ARHGAP15: variants seen among roughly 807,000 people sequenced by gnomAD.
The protein encoded by ARHGAP15 is Rho GTPase activating protein 15.
Under a neutral mutation model 63.7 loss-of-function variants are expected in ARHGAP15, and 51 were observed. That is an observed-to-expected ratio of 0.80 (90% confidence interval 0.64 to 1.01). The LOEUF (loss-of-function observed/expected upper bound fraction) is 1.01, where lower values mean the gene tolerates loss of function less well. Ranked by LOEUF, ARHGAP15 falls within the 50% of genes least tolerant of loss-of-function variation. ARHGAP15 has a pLI of 0.00. For missense variants in ARHGAP15, 560 were observed against 564.6 expected, an observed-to-expected ratio of 0.99 and a Z score of 0.08; for synonymous variants, 191 against 193.8, an observed-to-expected ratio of 0.99 and a Z score of 0.12.
At chr2:143,431,248 T>G (rs1289728205) in intron 6 of ARHGAP15, among the ~76,000 whole-genome samples, 1 of 152,022 alleles carries the variant, frequency 6.6e-6, no homozygotes, top group Non-Finnish European at 1.5e-5. Context: ...TGTATACAAC[T>G]GTTTGCTGAG....
intron 8 of ARHGAP15, among the ~76,000 whole-genome samples, chr2:143,465,609 A>G (rs913188660): frequency 9.2e-5 from 14 of 152,248 alleles, no homozygotes; most frequent in African/African-American, 2.9e-4. Flanking sequence ...TCCAGTTTAG[A>G]AATCCAAATG....
At chr2:143,376,301 T>C (rs1487912581) in intron 6 of ARHGAP15, among the ~76,000 whole-genome samples, 2 of 152,224 alleles carry the variant, frequency 1.3e-5, no homozygotes, top group African/African-American at 4.8e-5. Context: ...GCATGCTATG[T>C]AATTTGTATG....
At chr2:143,521,536 G>T (rs768431432) in intron 10 of ARHGAP15, among the ~76,000 whole-genome samples, 4 of 152,144 alleles carry the variant, frequency 2.6e-5, no homozygotes, top group Non-Finnish European at 4.4e-5. Context: ...GTATTAGGAA[G>T]TAGCATATAA....
At chr2:143,517,042 G>A (rs780612690) in intron 9 of ARHGAP15, among the ~76,000 whole-genome samples, 15 of 152,030 alleles carry the variant, frequency 9.9e-5, no homozygotes, top group Non-Finnish European at 2.1e-4. Flanking sequence ...CTCTCCCTCC[G>A]GGTTGAAGCA....
chr2:143,389,454 T>TAACA (rs1479156033), intron 6 of ARHGAP15, among the ~76,000 whole-genome samples: 1 of 152,148 alleles, frequency 6.6e-6, no homozygotes, highest in East Asian at 1.9e-4. Context: ...AAATGTTTCA[T>TAACA]AACAACCAGA....
chr2:143,602,205 A>G (rs925921515), intron 11 of ARHGAP15, among the ~76,000 whole-genome samples: 29 of 152,234 alleles, frequency 1.9e-4, no homozygotes, highest in Non-Finnish European at 5.9e-5. Context: ...AAATAACATT[A>G]TACAGCTTTC....
intron 10 of ARHGAP15, among the ~76,000 whole-genome samples, chr2:143,555,224 G>A (rs1048138309): frequency 3.9e-5 from 6 of 152,100 alleles, no homozygotes; most frequent in African/African-American, 1.4e-4. Flanking sequence ...AATACAAAGT[G>A]TGTAAAATGG....
intron 5 of ARHGAP15, among the ~76,000 whole-genome samples, chr2:143,239,597 T>C (rs1245741772): frequency 2.0e-5 from 3 of 152,190 alleles, no homozygotes; most frequent in Non-Finnish European, 4.4e-5. Flanking sequence ...CATTCAGCCA[T>C]AACCTTGAAA....
intron 1 of ARHGAP15, among the ~76,000 whole-genome samples, chr2:143,154,220 A>T (rs1172414685): frequency 1.3e-5 from 2 of 152,020 alleles, no homozygotes; most frequent in East Asian, 3.9e-4. Context: ...ACCATTGAGC[A>T]CATTGCTTAG....
chr2:143,209,077 T>G (rs1023350782), intron 3 of ARHGAP15, among the ~76,000 whole-genome samples: 2 of 152,188 alleles, frequency 1.3e-5, no homozygotes, highest in Non-Finnish European at 2.9e-5. Context: ...GCTTTGAGCA[T>G]GAAAGACATT....
At chr2:143,225,855 C>T (rs1693192597) in intron 4 of ARHGAP15, among the ~76,000 whole-genome samples, 1 of 151,952 alleles carries the variant, frequency 6.6e-6, no homozygotes. Flanking sequence ...ATAATTTATG[C>T]TAATTATTAT....
chr2:143,759,266 G>A (rs1170515381), intron 13 of ARHGAP15, among the ~76,000 whole-genome samples: 3 of 152,206 alleles, frequency 2.0e-5, no homozygotes, highest in South Asian at 2.1e-4. Flanking sequence ...AAATGTGGAG[G>A]AAGAGTACAT....
At chr2:143,416,750 T>A (rs568221409) in intron 6 of ARHGAP15, among the ~76,000 whole-genome samples, 1 of 152,146 alleles carries the variant, frequency 6.6e-6, no homozygotes, top group East Asian at 1.9e-4. Context: ...ACAAGCCATT[T>A]ACAGACTGTC....
intron 6 of ARHGAP15, among the ~76,000 whole-genome samples, chr2:143,429,286 G>T (rs1442617808): frequency 6.7e-6 from 1 of 149,690 alleles, no homozygotes; most frequent in African/African-American, 2.5e-5. Flanking sequence ...TAAACAGAAA[G>T]TTAGAGTGGG....
intron 12 of ARHGAP15, among the ~76,000 whole-genome samples, chr2:143,677,142 G>C (rs1374783840): frequency 1.3e-5 from 2 of 152,212 alleles, no homozygotes. Context: ...CATGGTTCCA[G>C]TAATTCTAAT....
chr2:143,397,659 C>CGG (rs1687831544), intron 6 of ARHGAP15, among the ~76,000 whole-genome samples: 1 of 150,550 alleles, frequency 6.6e-6, no homozygotes, highest in African/African-American at 2.5e-5. Context: ...TTAACAAAAC[C>CGG]TAACACTTTA....
At chr2:143,329,740 T>C (rs1053828299) in intron 6 of ARHGAP15, among the ~76,000 whole-genome samples, 3 of 152,086 alleles carry the variant, frequency 2.0e-5, no homozygotes, top group African/African-American at 7.2e-5. Context: ...AGAAATTATA[T>C]ACACATACAC....
chr2:143,220,403 G>T (rs1315823677), intron 4 of ARHGAP15, among the ~76,000 whole-genome samples: 1 of 152,068 alleles, frequency 6.6e-6, no homozygotes, highest in East Asian at 1.9e-4. Flanking sequence ...AGAGACCTGG[G>T]TCTCGCCATG....
chr2:143,228,905 T>A (rs1211313098), intron 5 of ARHGAP15, among the ~76,000 whole-genome samples: 1 of 152,178 alleles, frequency 6.6e-6, no homozygotes, highest in East Asian at 1.9e-4. Flanking sequence ...TGAGCAGCTA[T>A]GTAGTAATGC....
Sources: allele counts gnomAD v4.1 joint callset (sites outside exome capture counted in the v4.1 genomes callset), GRCh38; gene constraint gnomAD v4.1.1; transcripts MANE v1.5; gene names NCBI Gene and HGNC (gene_info 2026-07-23, HGNC 2026-07-21).